ZNF785: variants seen among roughly 807,000 people sequenced by gnomAD.
ZNF785 encodes the protein zinc finger protein 785.
In ZNF785, 15 loss-of-function variants were observed where a neutral mutation model predicts 11.3. That is an observed-to-expected ratio of 1.32 (90% CI 0.89 to 2.04). The LOEUF (loss-of-function observed/expected upper bound fraction) is 2.04, where lower values mean the gene tolerates loss of function less well. ZNF785 is among the 30% of genes most tolerant of loss of function. ZNF785 has a pLI of 0.00. For synonymous variants in ZNF785, 221 were observed against 231.0 expected (o/e 0.96, Z 0.39); for missense variants, 572 against 560.9 (o/e 1.02, Z -0.20).
chr16:30,585,258 G>A lies in ZNF785; in HGVS notation c.206-8C>T, dbSNP rs1352635131. 1.1e-5 allele frequency: 18 copies of A among 1,613,742 alleles called. No individual in the cohort carries two copies. Among genetic ancestry groups the A allele is most frequent in the Non-Finnish European group, 1.5e-5 (18 of 1,179,868 alleles). On this transcript the variant is annotated splice_polypyrimidine_tract_variant and splice_region_variant and intron_variant, in intron 1 of 2. Coordinates refer to ENST00000395216, the MANE Select transcript of ZNF785 (RefSeq NM_152458.7). This position sits in a 1 kb window ranked among gnomAD's most constrained non-coding sequence, Gnocchi z 4.0. Reference sequence around the variant, plus strand: ...GTTTGGGAACTGAAAATCCTGCGAAGGAGAAACAATGGGCTCGGCTGAGCG... The same window carrying A: ...GTTTGGGAACTGAAAATCCTGCGAAAGAGAAACAATGGGCTCGGCTGAGCG...
chr16:30,580,354 A>AT (rs59682430), downstream of ZNF785, among the ~76,000 whole-genome samples: 185 of 111,668 alleles, frequency 1.7e-3, 1 homozygote, highest in Middle Eastern at 5.4e-3. Flanking sequence ...GGCCTGGCTA[A>AT]TTTTTTTTTT....
At position 30,585,078 on chromosome 16, in the gene ZNF785, C is replaced by CG. The variant is rs1469021904; in HGVS notation, c.334+43dup. 1.3e-6 allele frequency: 2 copies of CG among 1,574,838 alleles called. No homozygotes were observed. Among genetic ancestry groups the CG allele is most frequent in the Admixed American group, 1.8e-5 (1 of 56,780 alleles). ...GCTGAGGATGTGAGTGAGTTGGGGG[C>CG]GGGGGTTGGGGCTTCTCCACGGCTA... On this transcript the variant is annotated intron_variant, in intron 2 of 2. Transcript: ENST00000395216. The surrounding 1 kb of genome is among the most constrained non-coding windows in gnomAD (Gnocchi z 4.0).
chr16:30,583,122 T>C lies in ZNF785; in HGVS notation c.656A>G (p.Gln219Arg). ...FSQRRYLLQH[Q>R]FIHTGEKPYP... ...GGGCTTCTCGCCGGTGTGGATGAAC[T>C]GATGCTGGAGCAGGTACCTGCGCTG... The change falls in exon 3 of 3, where the codon CAG (glutamine) becomes CGG (arginine). Residue 219 changes from glutamine to arginine, a missense_variant. Physicochemically the swap from Gln to Arg is conservative, Grantham distance 43. Coordinates refer to ENST00000395216, the MANE Select transcript of ZNF785 (RefSeq NM_152458.7). 1.2e-6 allele frequency: 2 copies of C among 1,613,986 alleles called. No homozygotes were observed. The highest frequency in any genetic ancestry group is 1.7e-6 in the Non-Finnish European group (2 of 1,179,968).
Position 30,584,505 on chromosome 16 carries a change from C to T in ZNF785, c.334+617G>A, listed in dbSNP as rs148394747. ...TCTCTACTAAAAATACAAAAATTAGCTGGGCATGATGGCGGGTACCTGTAA... is the reference window on the plus strand; with the variant it reads ...TCTCTACTAAAAATACAAAAATTAGTTGGGCATGATGGCGGGTACCTGTAA... On this transcript the variant is annotated intron_variant, in intron 2 of 2. Coordinates refer to ENST00000395216, the MANE Select transcript of ZNF785 (RefSeq NM_152458.7). Among the ~76,000 whole-genome samples, 1,325 of 152,202 alleles carry T rather than the reference C, an allele frequency of 8.7e-3. 24 individuals are homozygous for T. Among genetic ancestry groups the T allele is most frequent in the African/African-American group, 0.03 (1,228 of 41,538 alleles).
Position 30,582,898 on chromosome 16 carries a change from C to T in ZNF785, c.880G>A (p.Ala294Thr), listed in dbSNP as rs775785793. ...TGGATGGCCAGCAGGGAGGTGTAGGCGAAACGGAGGCTGCAATCGGGGCAG... is the reference window on the plus strand; with the variant it reads ...TGGATGGCCAGCAGGGAGGTGTAGGTGAAACGGAGGCTGCAATCGGGGCAG... The part of the protein sequence containing the change: ...YSCPDCSLRF[A>T]YTSLLAIHRR... Residue 294 changes from alanine to threonine, a missense_variant, in exon 3 of 3, where the codon GCC becomes ACC. Coordinates refer to ENST00000395216, the MANE Select transcript of ZNF785 (RefSeq NM_152458.7). The T allele has an allele frequency of 1.2e-6, 2 of 1,610,674 alleles. No individual in the cohort carries two copies. The highest frequency in any genetic ancestry group is 1.4e-5 in the African/African-American group (1 of 73,780).
At position 30,585,395 on chromosome 16, in the gene ZNF785, G is replaced by T; in HGVS notation, c.205+12C>A. On this transcript the variant is annotated intron_variant, in intron 1 of 2. Transcript: ENST00000395216. This position sits in a 1 kb window ranked among gnomAD's most constrained non-coding sequence, Gnocchi z 4.0. The stretch of plus-strand genomic sequence containing the variant: ...ACGGACTGGGGGTCCCGGCCGGAGG[G>T]CCCGGCCTCACCCAGCGCGCCCAGG... 1 of 1,580,202 alleles carries T rather than the reference G, an allele frequency of 6.3e-7. No homozygotes were observed. Among genetic ancestry groups the T allele is most frequent in the Admixed American group, 1.8e-5 (1 of 54,896 alleles).
Position 30,583,098 on chromosome 16 carries a change from G to T in ZNF785, c.680C>A (p.Pro227His). The T allele has an allele frequency of 6.2e-7, 1 of 1,614,142 alleles. No individual in the cohort carries two copies. Among genetic ancestry groups the T allele is most frequent in the Non-Finnish European group, 8.5e-7 (1 of 1,180,014 alleles). ...GCGCCCGCAGTCGGGGCAGGGGTAG[G>T]GCTTCTCGCCGGTGTGGATGAACTG... ...QHQFIHTGEK[P>H]YPCPDCGRRF... Residue 227 changes from proline to histidine, a missense_variant, in exon 3 of 3, where the codon CCC becomes CAC. By Grantham distance (77) the Pro-to-His change is moderately conservative. Transcript: ENST00000395216.
chr16:30,581,672 G>A lies in ZNF785; in HGVS notation c.*888C>T, dbSNP rs780972197. ...GTTTGTGCACTTGCAGAATGAGAGT[G>A]GGGGGGGAGTTCCCCACCTGAGGCC... On this transcript the variant is annotated 3_prime_UTR_variant, in exon 3 of 3. Transcript: ENST00000395216. 2.0e-5 allele frequency: 3 copies of A among 151,430 alleles called. No homozygotes were observed. The highest frequency in any genetic ancestry group is 2.9e-5 in the Non-Finnish European group (2 of 67,936). 9.4% of individuals were successfully genotyped at this position (151,430 alleles called of 1,614,324 possible).
At position 30,585,596 on chromosome 16, in the gene ZNF785, C is replaced by G; in HGVS notation, c.16G>C (p.Ala6Pro). MGPPL[A>P]PRPAHVPGEA... is the part of the protein sequence containing the mutation. ...CCGGGTACGTGGGCCGGGCGCGGCGCCAGGGGCGGCCCCATGGGAAACCCT... is the reference window on the plus strand; with the variant it reads ...CCGGGTACGTGGGCCGGGCGCGGCGGCAGGGGCGGCCCCATGGGAAACCCT... The change falls in exon 1 of 3, where the codon GCG becomes CCG. Residue 6 changes from alanine to proline, a missense_variant. Physicochemically the swap from Ala to Pro is conservative, Grantham distance 27. Transcript: ENST00000395216. The surrounding 1 kb of genome is among the most constrained non-coding windows in gnomAD (Gnocchi z 4.0). 6.6e-7 allele frequency: 1 copy of G among 1,506,330 alleles called. No individual in the cohort carries two copies. Among genetic ancestry groups the G allele is most frequent in the Non-Finnish European group, 8.8e-7 (1 of 1,133,588 alleles). The allele number at this position is 1,506,330 out of a possible 1,614,324, so 93.3% of individuals were successfully genotyped here.
At chr16:30,584,109 C>T (rs533432573) in intron 2 of ZNF785, among the ~76,000 whole-genome samples, 1 of 151,668 alleles carries the variant, frequency 6.6e-6, no homozygotes, top group Admixed American at 6.6e-5. Context: ...CGTGCCACTG[C>T]ACTCCAGCAT....
At position 30,582,431 on chromosome 16, in the gene ZNF785, T is replaced by C. The variant is rs970918031; in HGVS notation, c.*129A>G. ...TCCTCCCCACAGCCCTCTGTGCCCCTACCTCTGCTTTTTACCTAAGGCAGA... is the reference window on the plus strand; with the variant it reads ...TCCTCCCCACAGCCCTCTGTGCCCCCACCTCTGCTTTTTACCTAAGGCAGA... On this transcript the variant is annotated 3_prime_UTR_variant, in exon 3 of 3. Transcript: ENST00000395216. 1 of 1,343,344 alleles carries C rather than the reference T, an allele frequency of 7.4e-7. No homozygotes were observed. The highest frequency in any genetic ancestry group is 1.0e-6 in the Non-Finnish European group (1 of 993,798). 83.2% of individuals were successfully genotyped at this position (1,343,344 alleles called of 1,614,324 possible).
At chr16:30,584,306 A>T (rs2051860398) in intron 2 of ZNF785, among the ~76,000 whole-genome samples, 1 of 152,094 alleles carries the variant, frequency 6.6e-6, no homozygotes, top group African/African-American at 2.4e-5. Flanking sequence ...CTTTGGTACC[A>T]GCTCAAATTC....
At chr16:30,578,401 TTTC>T (rs1234057617), downstream of ZNF785, 1 of 152,202 alleles carries the variant, frequency 6.6e-6, no homozygotes, top group Admixed American at 6.6e-5. Context: ...ATTGTAAATG[TTTC>T]TTCAAGACTC....
At position 30,582,545 on chromosome 16, in the gene ZNF785, T is replaced by C. The variant is rs767759524; in HGVS notation, c.*15A>G. ...TCCTCTCCAGGGAAACGCTGACCAG[T>C]TTGTGTGAACGCCATCACCCACACT... On this transcript the variant is annotated 3_prime_UTR_variant, in exon 3 of 3. Transcript: ENST00000395216. 1.3e-5 allele frequency: 21 copies of C among 1,612,984 alleles called. No homozygotes were observed. In the Admixed American group the frequency reaches 3.5e-4, roughly 27 times the overall value.
In ZNF785 at chr16:30,583,245, CCA is replaced by C. The variant is rs1277851297; in HGVS notation, c.531_532del (p.Cys177TrpfsTer139). The C allele has an allele frequency of 1.2e-6, 2 of 1,613,578 alleles. No homozygotes were observed. The highest frequency in any genetic ancestry group is 1.3e-5 in the African/African-American group (1 of 74,920). ...GAGGGAAGGGTAGCTGAAGTTGCGG[CCA>C]CAGTCTGGGCAAGAGTGGGGCAGTC... On this transcript the variant is annotated frameshift_variant, in exon 3 of 3. Coordinates refer to ENST00000395216, the MANE Select transcript of ZNF785 (RefSeq NM_152458.7). LOFTEE classifies it low-confidence loss of function (END_TRUNC).
chr16:30,583,709 G>A (rs1005074176), intron 2 of ZNF785: 2 of 360,202 alleles, frequency 5.6e-6, no homozygotes, highest in Non-Finnish European at 1.0e-5. Context: ...AAGAGGAGTC[G>A]GGCCGGGTGC....
chr16:30,584,696 C>A (rs1028663192), intron 2 of ZNF785, among the ~76,000 whole-genome samples: 6 of 152,118 alleles, frequency 3.9e-5, no homozygotes, highest in African/African-American at 1.2e-4. Flanking sequence ...CACGGGAAGA[C>A]CTTCTGGGAA....
At position 30,585,153 on chromosome 16, in the gene ZNF785, T is replaced by G. The variant is rs750603533; in HGVS notation, c.303A>C (p.Ala101=). ...EAQDPDGESS[A]AFSRGQGQEA... is the part of the protein sequence containing the mutation. ...CCTGTCCTTGGCCCCTGCTGAAAGC[T>G]GCAGAGCTCTCACCGTCGGGATCCT... is the stretch of plus-strand genomic sequence containing the variant. The change falls in exon 2 of 3, where the codon GCA becomes GCC. Residue 101 remains alanine (A), a synonymous_variant. Transcript: ENST00000395216. The surrounding 1 kb of genome is among the most constrained non-coding windows in gnomAD (Gnocchi z 4.0). 4 of 1,613,834 alleles carry G rather than the reference T, an allele frequency of 2.5e-6. No homozygotes were observed. The highest frequency in any genetic ancestry group is 2.7e-5 in the African/African-American group (2 of 74,928).
Position 30,585,314 on chromosome 16 carries a change from G to A in ZNF785, c.206-64C>T, listed in dbSNP as rs1388597108. 2 of 1,591,026 alleles carry A rather than the reference G, an allele frequency of 1.3e-6. No individual in the cohort carries two copies. Among genetic ancestry groups the A allele is most frequent in the Admixed American group, 1.7e-5 (1 of 57,362 alleles). On this transcript the variant is annotated intron_variant, in intron 1 of 2. Coordinates refer to ENST00000395216, the MANE Select transcript of ZNF785 (RefSeq NM_152458.7). The surrounding 1 kb of genome is among the most constrained non-coding windows in gnomAD (Gnocchi z 4.0). ...GAGGGGAGAATGAGACTGCTCCCTC[G>A]GCGCCCCGCTTCCAGCCCACTAGCC...
Sources: gnomAD v4.1 joint callset for allele counts (sites outside exome capture counted in the v4.1 genomes callset) on GRCh38, gnomAD v4.1.1 for gene constraint, Gnocchi (gnomAD v3.1) non-coding constraint, MANE v1.5 for transcripts, NCBI Gene and HGNC (gene_info 2026-07-23, HGNC 2026-07-21) for gene names.